Variants in TMEM143 observed in about 807,000 individuals in gnomAD.
TMEM143 encodes transmembrane protein 143.
Under a neutral mutation model 40.3 loss-of-function variants are expected in TMEM143, and 45 were observed. That is an observed-to-expected ratio of 1.12 (90% CI 0.88 to 1.43). The LOEUF is 1.43. TMEM143 is among the 40% of genes most tolerant of loss of function. TMEM143 has a pLI of 0.00. For synonymous variants in TMEM143, 299 were observed against 282.7 expected (o/e 1.06, Z -0.58); for missense variants, 620 against 613.4 (o/e 1.01, Z -0.11).
chr19:48,347,773 G>C (rs1319399971), intron 3 of TMEM143, among the ~76,000 whole-genome samples: 3 of 150,776 alleles, frequency 2.0e-5, no homozygotes, highest in African/African-American at 7.3e-5. Context: ...GGCCAGGCTG[G>C]TCTCAAACTC....
chr19:48,347,587 C>T (rs187751428), intron 3 of TMEM143, among the ~76,000 whole-genome samples: 15 of 144,134 alleles, frequency 1.0e-4, no homozygotes, highest in Admixed American at 6.4e-4. Context: ...GACAGAGTCT[C>T]GCTCTGTTGC....
intron 4 of TMEM143, 141 bp from the exon 5 acceptor site, chr19:48,343,592 A>G: frequency 8.7e-7 from 1 of 1,149,728 alleles, no homozygotes; most frequent in East Asian, 2.6e-5. Flanking sequence ...CAGGGCTGTC[A>G]CATATGGTTG....
chr19:48,335,915 T>C (rs1390651355), intron 6 of TMEM143, among the ~76,000 whole-genome samples: 2 of 151,310 alleles, frequency 1.3e-5, no homozygotes, highest in Admixed American at 6.6e-5. Context: ...AAAGTTAAAT[T>C]GTAAAGAGAA....
chr19:48,337,270 CG>C (rs1408779891), intron 6 of TMEM143, among the ~76,000 whole-genome samples: 1 of 151,768 alleles, frequency 6.6e-6, no homozygotes, highest in Non-Finnish European at 1.5e-5. Context: ...TTGGGACAGC[CG>C]GGCGCGGTGG....
intron 3 of TMEM143, among the ~76,000 whole-genome samples, chr19:48,350,840 T>C (rs1159973468): frequency 6.9e-6 from 1 of 145,622 alleles, no homozygotes; most frequent in Non-Finnish European, 1.5e-5. Flanking sequence ...GAGAATTGCT[T>C]GTACTCAGGA....
At chr19:48,363,154 G>A (rs954856321) in intron 2 of TMEM143, 137 bp downstream of exon 2, 7 of 1,260,516 alleles carry the variant, frequency 5.6e-6, no homozygotes, top group African/African-American at 1.5e-5. Context: ...CCGCCCACTA[G>A]GGAAACACGA....
chr19:48,357,612 T>C (rs1421431900), intron 3 of TMEM143, among the ~76,000 whole-genome samples: 2 of 150,762 alleles, frequency 1.3e-5, no homozygotes, highest in Non-Finnish European at 3.0e-5. Context: ...TGCCTTGTCC[T>C]CCCAAAGTGC....
chr19:48,340,632 G>A (rs968490399), intron 6 of TMEM143, among the ~76,000 whole-genome samples: 1 of 152,072 alleles, frequency 6.6e-6, no homozygotes, highest in African/African-American at 2.4e-5. Context: ...GGCCAGCAAG[G>A]GGTGAGGCAA....
In TMEM143 at chr19:48,343,001, C is replaced by A. The variant is rs1268891378; in HGVS notation, c.696-192G>T. 2.2e-5 allele frequency: 16 copies of A among 730,574 alleles called. No individual in the cohort carries two copies. The Admixed American group carries it at 4.8e-4, about 22-fold the overall frequency. 45.3% of individuals were successfully genotyped at this position (730,574 alleles called of 1,614,324 possible). ...GATCGGTTCAATCGCGCCATCGATC[C>A]CTGGTATTGGACGTGCAGATTGTTT... is the stretch of plus-strand genomic sequence containing the variant. On this transcript the variant is annotated intron_variant, in intron 5 of 7. Transcript: ENST00000293261.
chr19:48,340,558 C>T (rs986370902), intron 6 of TMEM143, among the ~76,000 whole-genome samples: 2 of 152,154 alleles, frequency 1.3e-5, no homozygotes, highest in East Asian at 3.9e-4. Context: ...TGCCACCATG[C>T]CTGGTGTGAA....
Position 48,334,188 on chromosome 19 carries a change from G to T in TMEM143, c.985C>A (p.Gln329Lys), listed in dbSNP as rs1367357933. ...MGLRASKMFG[Q>K]RRSAQALELA... Reference sequence around the variant, plus strand: ...TCCAACGCCTGCGCGCTGCGCCGCTGCCCGAACATCTGCAGGCGGGACAGC... The same window carrying T: ...TCCAACGCCTGCGCGCTGCGCCGCTTCCCGAACATCTGCAGGCGGGACAGC... Residue 329 changes from glutamine to lysine, a missense_variant, in exon 7 of 8, where the codon CAG becomes AAG. Gln to Lys is a moderately conservative substitution (Grantham distance 53). Transcript: ENST00000293261. The T allele has an allele frequency of 1.9e-6, 3 of 1,602,054 alleles. No individual in the cohort carries two copies. Among genetic ancestry groups the T allele is most frequent in the African/African-American group, 1.3e-5 (1 of 74,740 alleles).
At chr19:48,345,392 C>A in intron 3 of TMEM143, 38 bp from the exon 4 acceptor site, 1 of 1,481,846 alleles carries the variant, frequency 6.7e-7, no homozygotes, top group South Asian at 1.4e-5. Flanking sequence ...TGGGATAGGT[C>A]TCTGCATGAA....
Position 48,334,026 on chromosome 19 carries a change from T to C in TMEM143, c.1147A>G (p.Thr383Ala). ...GTCCTACCTTCGGGCGAGCCTTGAG[T>C]GCCCCCTGGCCGCCGGGCCAGGAAG... ...HSFLARRPGG[T>A]QGSPEETSRW... is the part of the protein sequence containing the mutation. The change falls in exon 7 of 8, where the codon ACT (threonine) becomes GCT (alanine). Residue 383 changes from threonine to alanine, a missense_variant. Transcript: ENST00000293261. 1.3e-6 allele frequency: 2 copies of C among 1,558,288 alleles called. No individual in the cohort carries two copies. Among genetic ancestry groups the C allele is most frequent in the Middle Eastern group, 3.9e-4 (2 of 5,158 alleles).
At chr19:48,344,730 G>T (rs948930638) in intron 4 of TMEM143, among the ~76,000 whole-genome samples, 3 of 151,138 alleles carry the variant, frequency 2.0e-5, no homozygotes, top group Non-Finnish European at 4.4e-5. Flanking sequence ...TTTCCAGATG[G>T]AGTTTCACTC....
chr19:48,334,132 C>T lies in TMEM143; in HGVS notation c.1041G>A (p.Thr347=), dbSNP rs1969286889. The part of the protein sequence containing the change: ...ELAHMLYYRS[T]SNNSELLSAL... Reference sequence around the variant, plus strand: ...CGCTGAGCAGCTCCGAGTTGTTGGACGTACTGCGATAGTACAGCATGTGCG... The same window carrying T: ...CGCTGAGCAGCTCCGAGTTGTTGGATGTACTGCGATAGTACAGCATGTGCG... Residue 347 remains threonine (T), a synonymous_variant, in exon 7 of 8, where the codon ACG becomes ACA. Coordinates refer to ENST00000293261, the MANE Select transcript of TMEM143 (RefSeq NM_018273.4). 8.1e-6 allele frequency: 13 copies of T among 1,607,718 alleles called. No homozygotes were observed. Among genetic ancestry groups the T allele is most frequent in the Non-Finnish European group, 1.1e-5 (13 of 1,177,624 alleles).
intron 6 of TMEM143, among the ~76,000 whole-genome samples, chr19:48,337,496 G>A (rs1323700594): frequency 6.6e-6 from 1 of 151,864 alleles, no homozygotes; most frequent in Non-Finnish European, 1.5e-5. Flanking sequence ...GCAGTGAGCT[G>A]AGGTTGCACC....
At chr19:48,336,382 A>G (rs181004968) in intron 6 of TMEM143, among the ~76,000 whole-genome samples, 1 of 151,790 alleles carries the variant, frequency 6.6e-6, no homozygotes, top group Admixed American at 6.6e-5. Context: ...AAAATTAGTC[A>G]GGTATGGTGA....
chr19:48,347,105 C>T (rs909960512), intron 3 of TMEM143, among the ~76,000 whole-genome samples: 1 of 152,182 alleles, frequency 6.6e-6, no homozygotes. Context: ...ATGAATGTCG[C>T]GTGAGTTTCC....
At position 48,334,217 on chromosome 19, in the gene TMEM143, C is replaced by T. The variant is rs915944617; in HGVS notation, c.976-20G>A. ...GAACATCTGCAGGCGGGACAGCGCC[C>T]CGTGGGCTCAGTTCGGGGTGCGCCC... On this transcript the variant is annotated intron_variant, in intron 6 of 7. Transcript: ENST00000293261. 6.3e-7 allele frequency: 1 copy of T among 1,576,560 alleles called. No homozygotes were observed. Among genetic ancestry groups the T allele is most frequent in the African/African-American group, 1.3e-5 (1 of 74,252 alleles).
Sources: allele counts gnomAD v4.1 joint callset (sites outside exome capture counted in the v4.1 genomes callset), GRCh38; gene constraint gnomAD v4.1.1; transcripts MANE v1.5; gene names NCBI Gene and HGNC (gene_info 2026-07-23, HGNC 2026-07-21).